The following AMOTL1 variants were observed in gnomAD, a reference collection of about 807,000 sequenced individuals.
AMOTL1 encodes the protein angiomotin like 1, also known as angiomotin-like protein 1.
A neutral mutation model predicts 102.9 loss-of-function variants in AMOTL1; 45 were observed. The observed-to-expected ratio is 0.44, with a 90% CI of 0.34 to 0.56. The LOEUF is 0.56. AMOTL1 is among the 20% of genes least tolerant of loss of function. The pLI, the probability that AMOTL1 is intolerant of heterozygous loss-of-function variation, is 0.01. For missense variants in AMOTL1, 1,114 were observed against 1,225.6 expected (o/e 0.91, Z 1.36); for synonymous variants, 481 against 484.7 (o/e 0.99, Z 0.10).
intron 6 of AMOTL1, among the ~76,000 whole-genome samples, chr11:94,834,284 C>G (rs972175144): frequency 6.6e-6 from 1 of 152,110 alleles, no homozygotes; most frequent in African/African-American, 2.4e-5. Flanking sequence ...AAAGGCAAGA[C>G]TGCAATAGAA....
At chr11:94,834,784 G>A (rs975107906) in intron 6 of AMOTL1, among the ~76,000 whole-genome samples, 1 of 152,128 alleles carries the variant, frequency 6.6e-6, no homozygotes, top group Non-Finnish European at 1.5e-5. Context: ...AACAACTCTT[G>A]CAGTTCAAGC....
intron 3 of AMOTL1, among the ~76,000 whole-genome samples, chr11:94,758,061 CA>C (rs1455272709): frequency 6.6e-6 from 1 of 151,586 alleles, no homozygotes; most frequent in East Asian, 1.9e-4. Flanking sequence ...GACTCCATCT[CA>C]AAAAAACAAA....
At chr11:94,785,338 C>A (rs1434382454) in intron 1 of AMOTL1, among the ~76,000 whole-genome samples, 1 of 152,138 alleles carries the variant, frequency 6.6e-6, no homozygotes, top group Non-Finnish European at 1.5e-5. Flanking sequence ...GTTGGAGGAG[C>A]AGTGTTGCTG....
chr11:94,768,334 GGGGAGCGCGGACGGCGGC>G, upstream of AMOTL1: 2 of 1,369,576 alleles, frequency 1.5e-6, no homozygotes, highest in Non-Finnish European at 1.9e-6. Flanking sequence ...CGCGGGGAGC[GGGGAGCGCGGACGGCGGC>G]GGGAGCGCGC....
chr11:94,771,726 G>T (rs188344723), intron 1 of AMOTL1, among the ~76,000 whole-genome samples: 1 of 152,016 alleles, frequency 6.6e-6, no homozygotes, highest in Non-Finnish European at 1.5e-5. Context: ...CTGCTCTCAC[G>T]GCCAGGCCTT....
chr11:94,866,103 C>T lies in AMOTL1; in HGVS notation c.2423C>T (p.Thr808Ile). 1 of 1,613,992 alleles carries T rather than the reference C, an allele frequency of 6.2e-7. No homozygotes were observed. Among genetic ancestry groups the T allele is most frequent in the Admixed American group, 1.7e-5 (1 of 60,018 alleles). Residue 808 changes from threonine to isoleucine, a missense_variant, in exon 11 of 13, where the codon ACC (threonine) becomes ATC (isoleucine). By Grantham distance (89) the Thr-to-Ile change is moderately conservative (BLOSUM62 -1). Coordinates refer to ENST00000433060, the MANE Select transcript of AMOTL1 (RefSeq NM_130847.3). ...AAATGTHSRQ[T>I]SLTSSQLAEE... is the part of the protein sequence containing the mutation. Reference sequence around the variant, plus strand: ...GCTACTGGGACACACTCTCGCCAGACCTCTCTTACCAGCAGCCAGCTGGCT... The same window carrying T: ...GCTACTGGGACACACTCTCGCCAGATCTCTCTTACCAGCAGCCAGCTGGCT...
chr11:94,773,927 T>G (rs1414614983), intron 1 of AMOTL1, among the ~76,000 whole-genome samples: 1 of 152,222 alleles, frequency 6.6e-6, no homozygotes, highest in African/African-American at 2.4e-5. Flanking sequence ...AACAGGTGTA[T>G]CCTGGCCCTG....
chr11:94,768,715 G>A (rs1372779672), intron 1 of AMOTL1, among the ~76,000 whole-genome samples, 155 bp downstream of exon 1: 2 of 151,996 alleles, frequency 1.3e-5, no homozygotes, highest in African/African-American at 4.8e-5. Flanking sequence ...TTTTTAAGCG[G>A]GTTCCCTTGC....
intron 1 of AMOTL1, among the ~76,000 whole-genome samples, chr11:94,723,657 C>T (rs747663003): frequency 6.6e-6 from 1 of 152,078 alleles, no homozygotes; most frequent in Non-Finnish European, 1.5e-5. Context: ...TGGATACAAA[C>T]AAGAAGCCTA....
At chr11:94,722,106 T>C (rs1400790937) in intron 1 of AMOTL1, among the ~76,000 whole-genome samples, 1 of 152,162 alleles carries the variant, frequency 6.6e-6, no homozygotes, top group African/African-American at 2.4e-5. Context: ...TATGGCTCCA[T>C]CTCAGCAAGT....
chr11:94,867,941 C>T (rs1324726410), intron 11 of AMOTL1, among the ~76,000 whole-genome samples: 1 of 152,178 alleles, frequency 6.6e-6, no homozygotes, highest in Admixed American at 6.5e-5. Flanking sequence ...CTTCCATTTC[C>T]TTCTCCGTAA....
Position 94,864,730 on chromosome 11 carries a change from G to T in AMOTL1, c.2136-5G>T. 2 of 1,612,718 alleles carry T rather than the reference G, an allele frequency of 1.2e-6. No individual in the cohort carries two copies. The highest frequency in any genetic ancestry group is 1.7e-6 in the Non-Finnish European group (2 of 1,179,108). ...ATGATCAAACGCATATCCTTGTGTT[G>T]CCAGGGACACCACGATCATCAACCA... On this transcript the variant is annotated splice_polypyrimidine_tract_variant and splice_region_variant and intron_variant, in intron 9 of 12. Coordinates refer to ENST00000433060, the MANE Select transcript of AMOTL1 (RefSeq NM_130847.3).
intron 3 of AMOTL1, among the ~76,000 whole-genome samples, chr11:94,743,315 T>G (rs1275571039): frequency 6.6e-6 from 1 of 152,198 alleles, no homozygotes; most frequent in Non-Finnish European, 1.5e-5. Context: ...CATTGGGTAT[T>G]CATTGTTTAT....
At chr11:94,749,713 A>T (rs534356871) in intron 3 of AMOTL1, among the ~76,000 whole-genome samples, 9 of 152,180 alleles carry the variant, frequency 5.9e-5, no homozygotes, top group Non-Finnish European at 1.3e-4. Flanking sequence ...TACAATGGGG[A>T]TAATAATAGT....
intron 3 of AMOTL1, among the ~76,000 whole-genome samples, chr11:94,802,770 TG>T (rs1421297873): frequency 3.3e-5 from 5 of 152,348 alleles, no homozygotes; most frequent in Admixed American, 3.3e-4. Flanking sequence ...CTTGGCTGAC[TG>T]GGTAAACAAT....
chr11:94,708,458 C>T (rs1949968183), intron 1 of AMOTL1, among the ~76,000 whole-genome samples: 1 of 152,166 alleles, frequency 6.6e-6, no homozygotes, highest in South Asian at 2.1e-4. Context: ...CCCGGTATGG[C>T]TTGGACCAAA....
At chr11:94,853,368 C>T (rs28434166) in intron 7 of AMOTL1, among the ~76,000 whole-genome samples, 1,808 of 151,476 alleles carry the variant, frequency 0.012, 36 homozygotes, top group African/African-American at 0.04. Context: ...TCTCATTGTT[C>T]AGCTCCCACT....
At position 94,831,436 on chromosome 11, in the gene AMOTL1, T is replaced by A; in HGVS notation, c.1559-16T>A. The A allele has an allele frequency of 6.3e-7, 1 of 1,594,744 alleles. No individual in the cohort carries two copies. The highest frequency in any genetic ancestry group is 8.6e-7 in the Non-Finnish European group (1 of 1,165,862). ...CCATATACATTTCTTTGTAATCATT[T>A]CCTCTTTGTTCATAGATCGACTAGA... On this transcript the variant is annotated splice_polypyrimidine_tract_variant and intron_variant, in intron 5 of 12. Coordinates refer to ENST00000433060, the MANE Select transcript of AMOTL1 (RefSeq NM_130847.3).
At chr11:94,728,164 C>T (rs932866501) in intron 1 of AMOTL1, among the ~76,000 whole-genome samples, 1 of 152,156 alleles carries the variant, frequency 6.6e-6, no homozygotes, top group Non-Finnish European at 1.5e-5. Flanking sequence ...CTGCTACATG[C>T]AGAGCGTTAT....
Sources: allele counts gnomAD v4.1 joint callset (sites outside exome capture counted in the v4.1 genomes callset), GRCh38; gene constraint gnomAD v4.1.1; transcripts MANE v1.5; gene names NCBI Gene and HGNC (gene_info 2026-07-23, HGNC 2026-07-21).